The following CCSER1 variants were observed in gnomAD, a reference collection of about 807,000 sequenced individuals.
CCSER1 encodes coiled-coil serine rich protein 1, also known as serine-rich coiled-coil domain-containing protein 1.
Under a neutral mutation model 82.0 loss-of-function variants are expected in CCSER1, and 41 were observed. That is an observed-to-expected ratio of 0.50 (90% CI 0.39 to 0.65). The LOEUF (loss-of-function observed/expected upper bound fraction) is 0.65, where lower values mean the gene tolerates loss of function less well. CCSER1 is among the 30% of genes least tolerant of loss of function. The pLI is 0.00. For missense variants in CCSER1, 1,119 were observed against 1,064.2 expected (o/e 1.05, Z -0.72); for synonymous variants, 414 against 383.9 (o/e 1.08, Z -0.92).
At chr4:90,173,032 G>T (rs1165651156) in intron 1 of CCSER1, among the ~76,000 whole-genome samples, 1 of 151,812 alleles carries the variant, frequency 6.6e-6, no homozygotes, top group African/African-American at 2.4e-5. Context: ...GGCAGGGAAA[G>T]TGGCGATTTC....
intron 9 of CCSER1, among the ~76,000 whole-genome samples, chr4:90,998,851 C>G (rs1247895364): frequency 1.3e-5 from 2 of 151,954 alleles, no homozygotes; most frequent in Non-Finnish European, 2.9e-5. Flanking sequence ...GAATAGTACC[C>G]AACCGTTAAC....
intron 4 of CCSER1, among the ~76,000 whole-genome samples, chr4:90,467,457 G>A (rs189913981): frequency 0.012 from 1,777 of 152,066 alleles, 14 homozygotes; most frequent in South Asian, 0.022. Flanking sequence ...AGGCTGAGGC[G>A]GGCCGATCTC....
At chr4:91,366,928 C>CT (rs910500926) in intron 10 of CCSER1, among the ~76,000 whole-genome samples, 5 of 151,992 alleles carry the variant, frequency 3.3e-5, no homozygotes, top group Admixed American at 6.6e-5. Context: ...TGCTGTTGTA[C>CT]TTTTTTTGAA....
At chr4:90,273,064 A>G (rs1216649585) in intron 1 of CCSER1, among the ~76,000 whole-genome samples, 2 of 152,118 alleles carry the variant, frequency 1.3e-5, no homozygotes, top group African/African-American at 4.8e-5. Flanking sequence ...GTGTAGCAAC[A>G]TGGATGGAAC....
rs562418064 is a variant in CCSER1, at chr4:90,804,452, A to G, written c.2011-11310A>G. Reference sequence around the variant, plus strand: ...CATACGTCTAGCCAGTTTTCCCAACAACATTTATTAAATAGGGAATATTTT... The same window carrying G: ...CATACGTCTAGCCAGTTTTCCCAACGACATTTATTAAATAGGGAATATTTT... On this transcript the variant is annotated intron_variant, in intron 7 of 10. Coordinates refer to ENST00000509176, the MANE Select transcript of CCSER1 (RefSeq NM_001145065.2). Among the ~76,000 whole-genome samples, 231 of 152,252 alleles carry G rather than the reference A, an allele frequency of 1.5e-3. 1 individual carries two copies. Among genetic ancestry groups the G allele is most frequent in the African/African-American group, 5.5e-3 (227 of 41,538 alleles).
chr4:90,610,604 C>T (rs1023231416), intron 5 of CCSER1, among the ~76,000 whole-genome samples: 5 of 152,138 alleles, frequency 3.3e-5, no homozygotes, highest in African/African-American at 1.2e-4. Context: ...TAGTCTACCA[C>T]TTGAGTGATT....
chr4:91,123,098 A>G (rs1174935546), intron 10 of CCSER1, among the ~76,000 whole-genome samples: 1 of 151,700 alleles, frequency 6.6e-6, no homozygotes, highest in Non-Finnish European at 1.5e-5. Flanking sequence ...GTTCAATGAT[A>G]CCTTTTTTAA....
chr4:90,461,425 T>A (rs781462586), intron 4 of CCSER1, among the ~76,000 whole-genome samples: 2 of 152,200 alleles, frequency 1.3e-5, no homozygotes, highest in Middle Eastern at 3.2e-3. Flanking sequence ...ATGATCGGTA[T>A]CAATTCCCAT....
chr4:91,563,769 A>G (rs1762763750), intron 10 of CCSER1, among the ~76,000 whole-genome samples: 1 of 151,822 alleles, frequency 6.6e-6, no homozygotes, highest in Non-Finnish European at 1.5e-5. Context: ...TCTTTCGGCA[A>G]AGGACATGCT....
At chr4:91,505,521 C>T (rs946714936) in intron 10 of CCSER1, among the ~76,000 whole-genome samples, 1 of 152,212 alleles carries the variant, frequency 6.6e-6, no homozygotes, top group Non-Finnish European at 1.5e-5. Flanking sequence ...AATTACCACA[C>T]TATCTTTCAA....
chr4:90,580,993 T>C (rs768085394), intron 5 of CCSER1, among the ~76,000 whole-genome samples: 18 of 152,162 alleles, frequency 1.2e-4, no homozygotes, highest in South Asian at 2.1e-4. Context: ...TACTTCCTCA[T>C]TGAAAATAAT....
intron 10 of CCSER1, among the ~76,000 whole-genome samples, chr4:91,438,259 C>A (rs185050566): frequency 6.6e-6 from 1 of 152,184 alleles, no homozygotes; most frequent in Non-Finnish European, 1.5e-5. Context: ...ACACCTCACA[C>A]GGCCGGGTAC....
At chr4:91,297,395 G>GTGTGTGTGTA (rs1560573882) in intron 10 of CCSER1, among the ~76,000 whole-genome samples, 1 of 146,808 alleles carries the variant, frequency 6.8e-6, no homozygotes, top group Non-Finnish European at 1.5e-5. Context: ...ATGTGTGTGT[G>GTGTGTGTGTA]TGTGTGTGTG....
intron 6 of CCSER1, among the ~76,000 whole-genome samples, chr4:90,682,270 A>G (rs1326178928): frequency 6.6e-6 from 1 of 151,890 alleles, no homozygotes; most frequent in Non-Finnish European, 1.5e-5. Flanking sequence ...CTATTAAAAA[A>G]AAAGAAAAAA....
At chr4:91,551,888 A>G (rs753426484) in intron 10 of CCSER1, among the ~76,000 whole-genome samples, 3 of 151,894 alleles carry the variant, frequency 2.0e-5, no homozygotes, top group African/African-American at 2.4e-5. Context: ...GACAAACATC[A>G]GAACTGTCAA....
At chr4:90,865,875 A>G (rs954657014) in intron 8 of CCSER1, among the ~76,000 whole-genome samples, 2 of 151,980 alleles carry the variant, frequency 1.3e-5, no homozygotes, top group Non-Finnish European at 2.9e-5. Flanking sequence ...TAATTGGCTC[A>G]TGGTTCCACA....
rs201687668 is a variant in CCSER1 at position 91,101,184 on chromosome 4, AC to A, written c.2217+15191del. 7.8e-3 allele frequency among the ~76,000 whole-genome samples: 1,194 copies of A among 152,318 alleles called. 11 individuals are homozygous for A. The highest frequency in any genetic ancestry group is 0.027 in the African/African-American group (1,105 of 41,568). ...TGCATAGAAAGCCACACAAAATAAT[AC>A]TTACAACAAGATTAAGCAGTAATTT... is the stretch of plus-strand genomic sequence containing the variant. On this transcript the variant is annotated intron_variant, in intron 10 of 10. Coordinates refer to ENST00000509176, the MANE Select transcript of CCSER1 (RefSeq NM_001145065.2).
At chr4:90,421,452 G>T (rs1025071742) in intron 4 of CCSER1, among the ~76,000 whole-genome samples, 1 of 152,146 alleles carries the variant, frequency 6.6e-6, no homozygotes, top group African/African-American at 2.4e-5. Context: ...AGTGTTAAAT[G>T]CTGGCTCTTC....
chr4:90,976,181 T>C (rs958157038), intron 9 of CCSER1, among the ~76,000 whole-genome samples: 1 of 151,272 alleles, frequency 6.6e-6, no homozygotes, highest in Non-Finnish European at 1.5e-5. Context: ...TAGGCAGAAT[T>C]AAGATTTTTA....
Sources: gnomAD v4.1 joint callset for allele counts (sites outside exome capture counted in the v4.1 genomes callset) on GRCh38, gnomAD v4.1.1 for gene constraint, MANE v1.5 for transcripts, NCBI Gene and HGNC (gene_info 2026-07-23, HGNC 2026-07-21) for gene names.